RTL4: variants seen among roughly 807,000 people sequenced by gnomAD.
RTL4 encodes retrotransposon Gag-like protein 4.
A neutral mutation model predicts 5.3 loss-of-function variants in RTL4; 4 were observed. The ratio of observed to expected loss-of-function variants is 0.75; its 90% CI spans 0.37 to 1.72. The LOEUF (loss-of-function observed/expected upper bound fraction) is 1.72, where lower values mean the gene tolerates loss of function less well. RTL4 is among the 40% of genes most tolerant of loss of function. The pLI, the probability that RTL4 is intolerant of heterozygous loss-of-function variation, is 0.04. For missense variants in RTL4, 260 were observed against 227.1 expected (o/e 1.14, Z -0.93); for synonymous variants, 98 against 87.3 (o/e 1.12, Z -0.68).
At chrX:112,329,406 T>A in the RTL4 span, among the ~76,000 whole-genome samples, 2 of 111,585 alleles carry the variant, frequency 1.8e-5, no homozygotes, top group African/African-American at 6.5e-5. Context: ...CTAGAAAATC[T>A]AGAAGAAATG....
the RTL4 span, among the ~76,000 whole-genome samples, chrX:112,351,468 G>T: frequency 9.2e-6 from 1 of 108,952 alleles, no homozygotes; most frequent in Non-Finnish European, 1.9e-5. Flanking sequence ...ACAGTGGGGT[G>T]TTAAAGTCTC....
the RTL4 span, among the ~76,000 whole-genome samples, chrX:112,135,818 T>A: frequency 9.2e-6 from 1 of 109,154 alleles, no homozygotes; most frequent in Non-Finnish European, 1.9e-5. Context: ...ATTGACTATA[T>A]AATTAATTTT....
the RTL4 span, among the ~76,000 whole-genome samples, chrX:112,321,376 AAAT>A: frequency 1.8e-5 from 2 of 109,853 alleles, no homozygotes; most frequent in African/African-American, 6.6e-5. Flanking sequence ...TCTCTACTAA[AAAT>A]ACAAAAATTC....
the RTL4 span, among the ~76,000 whole-genome samples, chrX:112,246,178 A>T: frequency 3.6e-5 from 4 of 111,923 alleles, no homozygotes; most frequent in Non-Finnish European, 7.5e-5. Context: ...GGGGTCAGGG[A>T]CCCACTTGAG....
chrX:112,101,556 G>A, the RTL4 span, among the ~76,000 whole-genome samples: 1 of 111,040 alleles, frequency 9.0e-6, no homozygotes, highest in Non-Finnish European at 1.9e-5. Context: ...ATAAATATTA[G>A]AACCAGTTTT....
the RTL4 span, among the ~76,000 whole-genome samples, chrX:112,148,938 G>GGGA: frequency 9.0e-6 from 1 of 111,657 alleles, no homozygotes. Context: ...CTCAGGTAGA[G>GGGA]GGAGTGGGTG....
At chrX:112,315,922 G>A in the RTL4 span, among the ~76,000 whole-genome samples, 1 of 111,907 alleles carries the variant, frequency 8.9e-6, no homozygotes, top group Non-Finnish European at 1.9e-5. Flanking sequence ...TCTACATATG[G>A]ATTCATGTGC....
the RTL4 span, among the ~76,000 whole-genome samples, chrX:112,163,405 T>C: frequency 8.9e-6 from 1 of 111,814 alleles, no homozygotes; most frequent in South Asian, 3.8e-4. Flanking sequence ...TATTCACATC[T>C]GATCAAGGGG....
chrX:112,147,783 T>C, the RTL4 span, among the ~76,000 whole-genome samples: 1 of 111,354 alleles, frequency 9.0e-6, no homozygotes, highest in African/African-American at 3.3e-5. Context: ...TACTAAAAAA[T>C]ACAAAAAATT....
the RTL4 span, among the ~76,000 whole-genome samples, chrX:112,224,383 C>T: frequency 9.4e-6 from 1 of 106,660 alleles, no homozygotes; most frequent in East Asian, 2.9e-4. Context: ...ACTCTGTCAC[C>T]CAGGCTGGAG....
the RTL4 span, among the ~76,000 whole-genome samples, chrX:112,355,652 G>C: frequency 9.0e-6 from 1 of 110,973 alleles, no homozygotes; most frequent in Admixed American, 9.6e-5. Context: ...GATGTTGCCA[G>C]AACTCCAGGA....
At chrX:112,440,035 G>C in the RTL4 span, among the ~76,000 whole-genome samples, 1 of 111,327 alleles carries the variant, frequency 9.0e-6, no homozygotes, top group Non-Finnish European at 1.9e-5. Context: ...AAGCCATTTG[G>C]ACAGAAAAAA....
the RTL4 span, among the ~76,000 whole-genome samples, chrX:112,180,508 T>C: frequency 8.9e-6 from 1 of 112,228 alleles, no homozygotes; most frequent in Admixed American, 9.4e-5. Flanking sequence ...AAGGGGTTAG[T>C]TAAGCCTTTC....
the RTL4 span, among the ~76,000 whole-genome samples, chrX:112,423,142 T>C: frequency 1.8e-3 from 195 of 110,398 alleles, no homozygotes; most frequent in Non-Finnish European, 2.7e-3. Flanking sequence ...ATGATTTTTA[T>C]GCCAAAATGT....
the RTL4 span, among the ~76,000 whole-genome samples, chrX:112,394,456 A>G: frequency 4.5e-5 from 5 of 110,962 alleles, no homozygotes; most frequent in Non-Finnish European, 9.4e-5. Flanking sequence ...CAGAATTTTT[A>G]TACTGGTATG....
At chrX:112,118,278 T>G in the RTL4 span, among the ~76,000 whole-genome samples, 19 of 112,149 alleles carry the variant, frequency 1.7e-4, no homozygotes, top group African/African-American at 6.2e-4. Flanking sequence ...AGCAATATGT[T>G]GGGTTGATGT....
At chrX:112,346,440 A>G in the RTL4 span, among the ~76,000 whole-genome samples, 150 of 111,758 alleles carry the variant, frequency 1.3e-3, 2 homozygotes, top group Admixed American at 0.012. Context: ...AATCTTATCA[A>G]TGGACTCAAA....
chrX:112,140,107 T>C, the RTL4 span, among the ~76,000 whole-genome samples: 13 of 112,426 alleles, frequency 1.2e-4, no homozygotes, highest in African/African-American at 4.2e-4. Context: ...TATAGTTTAT[T>C]GCTCAAATTG....
the RTL4 span, among the ~76,000 whole-genome samples, chrX:112,309,790 A>G: frequency 1.8e-5 from 2 of 108,972 alleles, no homozygotes; most frequent in African/African-American, 6.7e-5. Context: ...ACACATATAT[A>G]TACACACACA....
Sources: gnomAD v4.1 joint callset for allele counts (sites outside exome capture counted in the v4.1 genomes callset) on GRCh38, gnomAD v4.1.1 for gene constraint, MANE v1.5 for transcripts, NCBI Gene and HGNC (gene_info 2026-07-23, HGNC 2026-07-21) for gene names.